Variants in ACOT7 observed in about 807,000 individuals in gnomAD.
ACOT7 encodes the protein acyl-CoA thioesterase 7.
A neutral mutation model predicts 40.2 loss-of-function variants in ACOT7; 12 were observed. The ratio of observed to expected loss-of-function variants is 0.30; its 90% CI spans 0.19 to 0.48. The LOEUF is 0.48. Among genes scored for constraint, ACOT7 ranks in the 20% least tolerant of loss-of-function variants. The pLI, the probability that ACOT7 is intolerant of heterozygous loss-of-function variation, is 0.99. For synonymous variants in ACOT7, 228 were observed against 219.5 expected (o/e 1.04, Z -0.34); for missense variants, 395 against 530.8 (o/e 0.74, Z 2.51).
At chr1:6,366,814 C>A (rs892605266) in intron 1 of ACOT7, among the ~76,000 whole-genome samples, 2 of 151,990 alleles carry the variant, frequency 1.3e-5, no homozygotes, top group African/African-American at 2.4e-5. Flanking sequence ...CACCACCACA[C>A]CAGGCTAATT....
Position 6,332,832 on chromosome 1 carries a change from A to C in ACOT7, c.510+645T>G, listed in dbSNP as rs551624556. ...CAAGATTCCGTCTCAAAAAAACAAA[A>C]AAAAACAAAAAAAACAAAAAGAAAG... On this transcript the variant is annotated intron_variant, in intron 4 of 8. Coordinates refer to ENST00000361521, the MANE Select transcript of ACOT7 (RefSeq NM_007274.4). 4.5e-3 allele frequency among the ~76,000 whole-genome samples: 658 copies of C among 146,774 alleles called. 8 individuals carry two copies. Among genetic ancestry groups the C allele is most frequent in the African/African-American group, 0.017 (618 of 37,156 alleles).
intron 3 of ACOT7, among the ~76,000 whole-genome samples, chr1:6,334,760 T>C (rs1641053596): frequency 1.3e-5 from 2 of 152,206 alleles, no homozygotes; most frequent in Non-Finnish European, 2.9e-5. Flanking sequence ...ATCCCTGGTG[T>C]ACACCCCTCA....
In ACOT7 at chr1:6,306,669, C is replaced by A. The variant is rs1329143422; in HGVS notation, c.713-11689G>T. 20 of 985,282 alleles carry A rather than the reference C, an allele frequency of 2.0e-5. No individual in the cohort carries two copies. Among genetic ancestry groups the A allele is most frequent in the Non-Finnish European group, 2.3e-5 (19 of 829,938 alleles). The allele number at this position is 985,282 out of a possible 1,614,324, so 61.0% of individuals were successfully genotyped here. A position where few individuals can be genotyped will look rare whatever the true frequency, so the allele number is the denominator to read the frequency against. On this transcript the variant is annotated intron_variant, in intron 6 of 8. Transcript: ENST00000361521. The surrounding 1 kb of genome is among the most constrained non-coding windows in gnomAD (Gnocchi z 4.3). ...CGAGGAAGAAAGCGGCGTCCCAAAG[C>A]ATTTGTTTGTTCACCTCTTGATCCC... is the stretch of plus-strand genomic sequence containing the variant.
chr1:6,372,030 G>A (rs1557671687), intron 1 of ACOT7, among the ~76,000 whole-genome samples: 1 of 150,636 alleles, frequency 6.6e-6, no homozygotes, highest in Non-Finnish European at 1.5e-5. Flanking sequence ...GGGCGACAGA[G>A]CAAAACTCTG....
chr1:6,339,778 C>G (rs1641215243), intron 2 of ACOT7, among the ~76,000 whole-genome samples, 189 bp from the exon 3 acceptor site: 2 of 137,386 alleles, frequency 1.5e-5, no homozygotes, highest in African/African-American at 5.7e-5. Context: ...CTCGCTCTGT[C>G]ACCCAGGCTG....
chr1:6,342,147 C>T (rs1382457815), intron 2 of ACOT7, among the ~76,000 whole-genome samples: 2 of 152,210 alleles, frequency 1.3e-5, no homozygotes, highest in African/African-American at 4.8e-5. Flanking sequence ...ATTCCAAGAT[C>T]AGGGACGGGC....
intron 1 of ACOT7, among the ~76,000 whole-genome samples, chr1:6,384,962 G>C (rs948903306): frequency 1.3e-5 from 2 of 151,922 alleles, no homozygotes; most frequent in Non-Finnish European, 2.9e-5. Flanking sequence ...GCACAAAGGG[G>C]GAGGTATGTA....
At chr1:6,313,688 A>C (rs937992818) in intron 6 of ACOT7, among the ~76,000 whole-genome samples, 2 of 152,214 alleles carry the variant, frequency 1.3e-5, no homozygotes, top group Non-Finnish European at 2.9e-5. Flanking sequence ...AGAGATAGGC[A>C]ACATGTGGCT....
intron 7 of ACOT7, among the ~76,000 whole-genome samples, chr1:6,291,652 A>G (rs1639666543): frequency 6.6e-6 from 1 of 152,186 alleles, no homozygotes; most frequent in Non-Finnish European, 1.5e-5. Flanking sequence ...ATAGTCCACA[A>G]TAATGTGTGC....
intron 1 of ACOT7, chr1:6,385,669 T>A (rs1402695018): frequency 6.2e-7 from 1 of 1,611,112 alleles, no homozygotes; most frequent in East Asian, 2.2e-5. Context: ...AGCTTCATCC[T>A]GCGGTAAGTG....
rs34990815 is a variant in ACOT7, at chr1:6,275,716, C to CAAAAAAA, written c.1014+5379_1014+5385dup. ...TGGGCGACAGAGTGAGGCTCCGTCT[C>CAAAAAAA]AAAAAAAAAAAAAAAAAAAAAAAAA... On this transcript the variant is annotated intron_variant, in intron 8 of 8. Transcript: ENST00000361521. The surrounding 1 kb of genome is among the most constrained non-coding windows in gnomAD (Gnocchi z 5.6). Among the ~76,000 whole-genome samples the CAAAAAAA allele has an allele frequency of 1.8e-5, 1 of 55,520 alleles. No homozygotes were observed. Among genetic ancestry groups the CAAAAAAA allele is most frequent in the Non-Finnish European group, 3.5e-5 (1 of 28,382 alleles). The allele number at this position is 55,520 out of a possible 152,430, so 36.4% of individuals were successfully genotyped here.
intron 4 of ACOT7, among the ~76,000 whole-genome samples, chr1:6,328,659 G>A (rs1424412064): frequency 1.3e-5 from 2 of 152,140 alleles, no homozygotes; most frequent in African/African-American, 4.8e-5. Context: ...TCCAGCCTGG[G>A]CGACAGAGCG....
chr1:6,363,879 A>G (rs1557668787), intron 1 of ACOT7, among the ~76,000 whole-genome samples: 1 of 151,896 alleles, frequency 6.6e-6, no homozygotes, highest in Non-Finnish European at 1.5e-5. Flanking sequence ...ATCTCCCCAC[A>G]TGGGGAGAAA....
chr1:6,272,683 G>A (rs924107318), intron 8 of ACOT7, among the ~76,000 whole-genome samples: 3 of 152,188 alleles, frequency 2.0e-5, no homozygotes, highest in Non-Finnish European at 4.4e-5. Context: ...TGAGAGCGCC[G>A]AGCCAAGTGG....
chr1:6,294,171 C>T lies in ACOT7; in HGVS notation c.829+693G>A, dbSNP rs370019815. Among the ~76,000 whole-genome samples the T allele has an allele frequency of 2.6e-5, 4 of 152,240 alleles. No homozygotes were observed. The highest frequency in any genetic ancestry group is 4.4e-5 in the Non-Finnish European group (3 of 68,036). ...AGGCAGTGCTGCTGCAGGGGGTGCA[C>T]GGCCTCATCTCAGCAGACGTCACAC... is the stretch of plus-strand genomic sequence containing the variant. On this transcript the variant is annotated intron_variant, in intron 7 of 8. Transcript: ENST00000361521. This position sits in a 1 kb window ranked among gnomAD's most constrained non-coding sequence, Gnocchi z 4.6.
rs553859318 is a variant in ACOT7 at position 6,275,665 on chromosome 1, C to T, written c.1014+5437G>A. ...CCGGGAGGCAGCGGTTGCAGTGAGC[C>T]GAGATCCAGCCATTGCACTCCAGGT... On this transcript the variant is annotated intron_variant, in intron 8 of 8. Coordinates refer to ENST00000361521, the MANE Select transcript of ACOT7 (RefSeq NM_007274.4). This position sits in a 1 kb window ranked among gnomAD's most constrained non-coding sequence, Gnocchi z 5.6. 6.2e-5 allele frequency among the ~76,000 whole-genome samples: 9 copies of T among 145,030 alleles called. No individual in the cohort carries two copies. Among genetic ancestry groups the T allele is most frequent in the Non-Finnish European group, 1.0e-4 (7 of 67,316 alleles).
intron 3 of ACOT7, among the ~76,000 whole-genome samples, chr1:6,334,730 G>A (rs974387122): frequency 6.6e-6 from 1 of 152,224 alleles, no homozygotes; most frequent in Non-Finnish European, 1.5e-5. Context: ...GTGGCCTGCT[G>A]GGGCTAAAGG....
chr1:6,270,013 G>A (rs1007276342), intron 8 of ACOT7, among the ~76,000 whole-genome samples: 5 of 152,256 alleles, frequency 3.3e-5, no homozygotes, highest in Non-Finnish European at 7.3e-5. Context: ...CCACCCAGGG[G>A]GAGGTGGAAC....
At chr1:6,287,160 C>G (rs1273916973) in intron 7 of ACOT7, among the ~76,000 whole-genome samples, 1 of 152,234 alleles carries the variant, frequency 6.6e-6, no homozygotes, top group African/African-American at 2.4e-5. Context: ...GCAGTCACTC[C>G]GCAGTCCAGG....
Sources: allele counts gnomAD v4.1 joint callset (sites outside exome capture counted in the v4.1 genomes callset), GRCh38; gene constraint gnomAD v4.1.1; non-coding constraint Gnocchi (gnomAD v3.1); transcripts MANE v1.5; gene names NCBI Gene and HGNC (gene_info 2026-07-23, HGNC 2026-07-21).